Variants in SRPK1 observed in about 807,000 individuals in gnomAD.
SRPK1 encodes SRSF protein kinase 1.
SRPK1 carries 52 observed loss-of-function variants against 89.5 expected under a neutral mutation model. The observed-to-expected ratio is 0.58, with a 90% confidence interval of 0.46 to 0.73. The LOEUF (loss-of-function observed/expected upper bound fraction) is 0.73. Ranked by LOEUF, SRPK1 falls within the 30% of genes least tolerant of loss-of-function variation. The pLI is 0.00. For synonymous variants in SRPK1, 255 were observed against 270.2 expected (o/e 0.94, Z 0.55); for missense variants, 603 against 780.6 (o/e 0.77, Z 2.71).
At position 35,870,402 on chromosome 6, in the gene SRPK1, C is replaced by T. The variant is rs1770007076; in HGVS notation, c.870G>A (p.Glu290=). 5 of 1,586,814 alleles carry T rather than the reference C, an allele frequency of 3.2e-6. No individual in the cohort carries two copies. The East Asian group carries it at 6.8e-5, about 22-fold the overall frequency. ...CAGGGCCCGACTCTTTCTCCATTTC[C>T]TCAATTTCCTGCATTCGCTTCTCTA... ...ELLEKRMQEI[E]EMEKESGPGQ... Residue 290 remains glutamate, a synonymous_variant, in exon 10 of 16, where the codon GAG becomes GAA. Transcript: ENST00000373825.
chr6:35,913,881 T>C (rs1771031219), intron 2 of SRPK1, among the ~76,000 whole-genome samples: 1 of 151,000 alleles, frequency 6.6e-6, no homozygotes, highest in Admixed American at 6.6e-5. Flanking sequence ...AAAATCAATT[T>C]ATGTAAAAAG....
intron 2 of SRPK1, among the ~76,000 whole-genome samples, chr6:35,899,878 G>A (rs559590581): frequency 6.6e-6 from 1 of 152,026 alleles, no homozygotes; most frequent in South Asian, 2.1e-4. Flanking sequence ...GCGGGCACCT[G>A]TAACCCCAGC....
intron 6 of SRPK1, among the ~76,000 whole-genome samples, chr6:35,875,548 T>C (rs958452598): frequency 1.3e-5 from 2 of 152,132 alleles, no homozygotes; most frequent in African/African-American, 2.4e-5. Flanking sequence ...TGAGTTAATA[T>C]ATGAATTAAA....
chr6:35,885,266 C>A (rs1401498647), intron 6 of SRPK1, among the ~76,000 whole-genome samples: 1 of 120,548 alleles, frequency 8.3e-6, no homozygotes, highest in Non-Finnish European at 1.8e-5. Context: ...TTTGAACACA[C>A]ACACACACAC....
intron 12 of SRPK1, among the ~76,000 whole-genome samples, chr6:35,863,060 A>G (rs530392422): frequency 1.5e-4 from 23 of 152,172 alleles, no homozygotes; most frequent in African/African-American, 5.3e-4. Context: ...CTGAGCCAGG[A>G]GGATCGCTTG....
intron 2 of SRPK1, among the ~76,000 whole-genome samples, chr6:35,908,424 C>T (rs903475842): frequency 3.3e-5 from 5 of 152,190 alleles, no homozygotes; most frequent in African/African-American, 1.2e-4. Context: ...TCATGCTATG[C>T]TTTAGCAGAG....
chr6:35,917,498 G>A (rs766008577), intron 2 of SRPK1, among the ~76,000 whole-genome samples: 5 of 152,106 alleles, frequency 3.3e-5, no homozygotes, highest in African/African-American at 9.7e-5. Flanking sequence ...AAAGCACAGC[G>A]TCCACAAAAG....
intron 2 of SRPK1, among the ~76,000 whole-genome samples, chr6:35,894,228 A>AAACT (rs1333694448): frequency 6.6e-6 from 1 of 151,446 alleles, no homozygotes; most frequent in Non-Finnish European, 1.5e-5. Context: ...CCAAACTTAA[A>AAACT]AACTAGTTAA....
At chr6:35,884,029 G>A (rs953945434) in intron 6 of SRPK1, among the ~76,000 whole-genome samples, 2 of 151,810 alleles carry the variant, frequency 1.3e-5, no homozygotes, top group South Asian at 2.1e-4. Context: ...CACTGCACCC[G>A]GCCCACAAGG....
chr6:35,873,496 T>G (rs1770080207), intron 7 of SRPK1, among the ~76,000 whole-genome samples: 2 of 151,354 alleles, frequency 1.3e-5, no homozygotes. Context: ...AATTAACTTT[T>G]TTTTTTTTTT....
intron 2 of SRPK1, among the ~76,000 whole-genome samples, chr6:35,895,435 T>TTGTGTGTGTGTGTGTGTG (rs10566123): frequency 3.7e-4 from 55 of 147,964 alleles, no homozygotes; most frequent in African/African-American, 1.3e-3. Context: ...AGGCATATGC[T>TTGTGTGTGTGTGTGTGTG]TGTGTGTGTG....
intron 2 of SRPK1, chr6:35,904,858 G>C (rs1252022694): frequency 6.9e-6 from 2 of 290,182 alleles, no homozygotes; most frequent in South Asian, 2.8e-5. Flanking sequence ...AAAGTCGTGG[G>C]CTGGGCACTG....
At chr6:35,861,051 T>C (rs976500919) in intron 12 of SRPK1, among the ~76,000 whole-genome samples, 3 of 152,172 alleles carry the variant, frequency 2.0e-5, no homozygotes, top group Admixed American at 1.3e-4. Context: ...ATGACTTGAC[T>C]TACATTTAAA....
chr6:35,880,746 A>AAAAAAAAAAGAAAGAAAGAAAGAAAG (rs1770263877), intron 6 of SRPK1, among the ~76,000 whole-genome samples: 1 of 89,202 alleles, frequency 1.1e-5, no homozygotes, highest in African/African-American at 4.5e-5. Flanking sequence ...AAAAAAAAAA[A>AAAAAAAAAAGAAAGAAAGAAAGAAAG]AAAAGAAAAG....
chr6:35,875,355 A>C (rs1287638999), intron 6 of SRPK1, among the ~76,000 whole-genome samples: 1 of 151,106 alleles, frequency 6.6e-6, no homozygotes, highest in Non-Finnish European at 1.5e-5. Flanking sequence ...TCTCGGCACT[A>C]CAGGTGTGTA....
intron 6 of SRPK1, among the ~76,000 whole-genome samples, chr6:35,879,982 G>A (rs1043512771): frequency 7.3e-5 from 11 of 151,246 alleles, no homozygotes; most frequent in African/African-American, 2.7e-4. Context: ...AAGTACTTGA[G>A]TCTGGGTAGT....
chr6:35,858,379 GT>G lies in SRPK1; in HGVS notation c.1513-1012del, dbSNP rs1409901597. 4.6e-5 allele frequency among the ~76,000 whole-genome samples: 7 copies of G among 152,046 alleles called. No individual in the cohort carries two copies. The South Asian group carries it at 1.0e-3, about 23-fold the overall frequency. ...TAAGATGCAAAACCAAAGAATCAGAGTTTCAATGTTGAAAGTGCACATCAAA... is the reference window on the plus strand; with the variant it reads ...TAAGATGCAAAACCAAAGAATCAGAGTTCAATGTTGAAAGTGCACATCAAA... On this transcript the variant is annotated intron_variant, in intron 12 of 15. Coordinates refer to ENST00000373825, the MANE Select transcript of SRPK1 (RefSeq NM_003137.5).
chr6:35,877,783 C>G (rs1770186399), intron 6 of SRPK1, among the ~76,000 whole-genome samples: 2 of 151,192 alleles, frequency 1.3e-5, no homozygotes, highest in Admixed American at 1.3e-4. Flanking sequence ...GCGGAGGTTG[C>G]AGTGAGCAAC....
At chr6:35,855,568 C>A (rs933954470) in intron 13 of SRPK1, among the ~76,000 whole-genome samples, 3 of 152,094 alleles carry the variant, frequency 2.0e-5, no homozygotes, top group Non-Finnish European at 2.9e-5. Context: ...AGGTAGTATA[C>A]AAATATTTAT....
Sources: allele counts gnomAD v4.1 joint callset (sites outside exome capture counted in the v4.1 genomes callset), GRCh38; gene constraint gnomAD v4.1.1; transcripts MANE v1.5; gene names NCBI Gene and HGNC (gene_info 2026-07-23, HGNC 2026-07-21).